Variants in GCLM observed in about 807,000 individuals in gnomAD.
GCLM encodes the protein glutamate-cysteine ligase modifier subunit.
Under a neutral mutation model 36.0 loss-of-function variants are expected in GCLM, and 15 were observed. The ratio of observed to expected loss-of-function variants is 0.42; its 90% CI spans 0.28 to 0.64. The LOEUF is 0.64. Among genes scored for constraint, GCLM ranks in the 30% least tolerant of loss-of-function variants. GCLM has a pLI of 0.25. For synonymous variants in GCLM, 129 were observed against 122.8 expected (o/e 1.05, Z -0.34); for missense variants, 242 against 325.5 (o/e 0.74, Z 1.97).
intron 1 of GCLM, among the ~76,000 whole-genome samples, chr1:93,908,017 G>T (rs1046734270): frequency 3.3e-5 from 5 of 152,190 alleles, no homozygotes; most frequent in Admixed American, 3.3e-4. Context: ...TTATCTTTCT[G>T]ATGGAACCAG....
chr1:93,890,052 C>T (rs1180430033), intron 6 of GCLM, among the ~76,000 whole-genome samples: 1 of 151,836 alleles, frequency 6.6e-6, no homozygotes, highest in Admixed American at 6.6e-5. Context: ...ACTGGGATTA[C>T]AGGCATGCAC....
intron 4 of GCLM, among the ~76,000 whole-genome samples, 188 bp from the exon 5 acceptor site, chr1:93,897,008 A>G (rs1474338202): frequency 6.6e-6 from 1 of 152,224 alleles, no homozygotes; most frequent in African/African-American, 2.4e-5. Context: ...GTGCCCATTT[A>G]CCTACTTGCT....
chr1:93,898,121 A>G (rs1656799907), intron 3 of GCLM, among the ~76,000 whole-genome samples: 1 of 152,046 alleles, frequency 6.6e-6, no homozygotes, highest in South Asian at 2.1e-4. Context: ...TATGTTTATC[A>G]AAACAAAAAG....
intron 5 of GCLM, among the ~76,000 whole-genome samples, chr1:93,896,407 C>T (rs1369991928): frequency 6.6e-6 from 1 of 152,158 alleles, no homozygotes; most frequent in East Asian, 1.9e-4. Flanking sequence ...TCAGTTCAAT[C>T]AGAGATATAT....
intron 6 of GCLM, 89 bp from the exon 7 acceptor site, chr1:93,889,248 C>T: frequency 1.4e-6 from 1 of 712,500 alleles, no homozygotes; most frequent in South Asian, 2.4e-5. Flanking sequence ...TTTAACATAA[C>T]AAAAGAAACA....
At position 93,888,650 on chromosome 1, in the gene GCLM, A is replaced by T. The variant is rs1440381231; in HGVS notation, c.*340T>A. 1 of 161,128 alleles carries T rather than the reference A, an allele frequency of 6.2e-6. No individual in the cohort carries two copies. Among genetic ancestry groups the T allele is most frequent in the Non-Finnish European group, 1.4e-5 (1 of 73,984 alleles). 10.0% of individuals were successfully genotyped at this position (161,128 alleles called of 1,614,324 possible). A position where few individuals can be genotyped will look rare whatever the true frequency, so the allele number is the denominator to read the frequency against. On this transcript the variant is annotated 3_prime_UTR_variant, in exon 7 of 7. Transcript: ENST00000370238. ...TTTTTTGGAAATAAAAAATATGTATATACATTACCCTGATACCTAGGCCAA... is the reference window on the plus strand; with the variant it reads ...TTTTTTGGAAATAAAAAATATGTATTTACATTACCCTGATACCTAGGCCAA...
At chr1:93,900,874 C>T (rs1190276545) in intron 3 of GCLM, among the ~76,000 whole-genome samples, 1 of 152,084 alleles carries the variant, frequency 6.6e-6, no homozygotes, top group African/African-American at 2.4e-5. Context: ...GTTATTTCAT[C>T]CAGTTTACAA....
chr1:93,893,320 T>C (rs535182366), intron 6 of GCLM, among the ~76,000 whole-genome samples: 1 of 152,314 alleles, frequency 6.6e-6, no homozygotes, highest in South Asian at 2.1e-4. Flanking sequence ...CTCTGAGGCA[T>C]TTGGCATGAT....
Position 93,885,809 on chromosome 1 carries a change from G to A in GCLM, c.*3181C>T, listed in dbSNP as rs1221860379. On this transcript the variant is annotated 3_prime_UTR_variant, in exon 7 of 7. Transcript: ENST00000370238. ...TTGAAAATACTGGGTGAAAAATCTA[G>A]AAAGACAGTGTTAAAGGAGCATAAT... is the stretch of plus-strand genomic sequence containing the variant. The A allele has an allele frequency of 2.0e-5, 3 of 152,144 alleles. No individual in the cohort carries two copies. Among genetic ancestry groups the A allele is most frequent in the African/African-American group, 7.2e-5 (3 of 41,430 alleles). The allele number at this position is 152,144 out of a possible 1,614,324, so 9.4% of individuals were successfully genotyped here. A position where few individuals can be genotyped will look rare whatever the true frequency, so the allele number is the denominator to read the frequency against.
Position 93,903,467 on chromosome 1 carries a change from C to T in GCLM, c.192+1056G>A, listed in dbSNP as rs533029262. 3.9e-4 allele frequency among the ~76,000 whole-genome samples: 56 copies of T among 145,160 alleles called. 1 individual carries two copies. In the Middle Eastern group the frequency reaches 0.021, roughly 54 times the overall value. On this transcript the variant is annotated intron_variant, in intron 2 of 6. Transcript: ENST00000370238. ...CTGGGATTACAGGCGGGTACCACCA[C>T]GCCTGGCTTTTTTTTTTTTTTTGTA... is the stretch of plus-strand genomic sequence containing the variant.
At chr1:93,889,907 T>A (rs1009144352) in intron 6 of GCLM, among the ~76,000 whole-genome samples, 49 of 149,746 alleles carry the variant, frequency 3.3e-4, no homozygotes, top group East Asian at 7.7e-4. Flanking sequence ...TTTTAAAAAA[T>A]ATATATATAT....
chr1:93,906,293 G>T (rs1266473915), intron 1 of GCLM, among the ~76,000 whole-genome samples: 1 of 152,188 alleles, frequency 6.6e-6, no homozygotes, highest in Non-Finnish European at 1.5e-5. Flanking sequence ...ATGAAAAGGA[G>T]TTGATAATCA....
At chr1:93,902,500 C>CT (rs1211325155) in intron 2 of GCLM, among the ~76,000 whole-genome samples, 13 of 149,158 alleles carry the variant, frequency 8.7e-5, no homozygotes, top group Admixed American at 4.0e-4. Flanking sequence ...TTTAAATATA[C>CT]TTTTTTTTTA....
chr1:93,901,295 C>T (rs977455282), intron 3 of GCLM, among the ~76,000 whole-genome samples: 1 of 152,054 alleles, frequency 6.6e-6, no homozygotes, highest in Non-Finnish European at 1.5e-5. Flanking sequence ...TTATCCTTTC[C>T]ATCTCCTTCA....
rs1404802507 is a variant in GCLM at position 93,885,387 on chromosome 1, TTAA to T, written c.*3600_*3602del. On this transcript the variant is annotated 3_prime_UTR_variant, in exon 7 of 7. Transcript: ENST00000370238. The stretch of plus-strand genomic sequence containing the variant: ...TAATATTAAAAATTATTATAAACAT[TTAA>T]TAATGCTTTATAATTTGCTATTATA... 1 of 152,146 alleles carries T rather than the reference TTAA, an allele frequency of 6.6e-6. No individual in the cohort carries two copies. 9.4% of individuals were successfully genotyped at this position (152,146 alleles called of 1,614,324 possible). A position where few individuals can be genotyped will look rare whatever the true frequency, so the allele number is the denominator to read the frequency against.
intron 2 of GCLM, among the ~76,000 whole-genome samples, chr1:93,902,798 A>G (rs1657008794): frequency 6.6e-6 from 1 of 152,176 alleles, no homozygotes; most frequent in African/African-American, 2.4e-5. Context: ...TGACATACAA[A>G]TCCTGTGCTC....
intron 5 of GCLM, among the ~76,000 whole-genome samples, chr1:93,896,274 T>C (rs1656729841): frequency 6.6e-6 from 1 of 152,138 alleles, no homozygotes; most frequent in Admixed American, 6.6e-5. Context: ...AGGTTTTTCT[T>C]TAGGTATTAT....
intron 4 of GCLM, among the ~76,000 whole-genome samples, chr1:93,897,303 C>A (rs1656766231): frequency 6.6e-6 from 1 of 151,896 alleles, no homozygotes; most frequent in Non-Finnish European, 1.5e-5. Flanking sequence ...TGGTCTTAAT[C>A]CATATTTATA....
At chr1:93,903,040 C>T (rs1174526908) in intron 2 of GCLM, among the ~76,000 whole-genome samples, 3 of 152,014 alleles carry the variant, frequency 2.0e-5, no homozygotes, top group African/African-American at 2.4e-5. Context: ...TTCTTTTAAG[C>T]ACTGAATAAT....
Sources: gnomAD v4.1 joint callset for allele counts (sites outside exome capture counted in the v4.1 genomes callset) on GRCh38, gnomAD v4.1.1 for gene constraint, MANE v1.5 for transcripts, NCBI Gene and HGNC (gene_info 2026-07-23, HGNC 2026-07-21) for gene names.